Variants in CCDC102B observed in about 807,000 individuals in gnomAD.
CCDC102B encodes the protein coiled-coil domain containing 102B.
A neutral mutation model predicts 57.4 loss-of-function variants in CCDC102B; 75 were observed. The observed-to-expected ratio is 1.31, with a 90% confidence interval of 1.08 to 1.58. The LOEUF is 1.58. CCDC102B is among the 40% of genes most tolerant of loss of function. The pLI is 0.00. For missense variants in CCDC102B, 636 were observed against 582.6 expected, an observed-to-expected ratio of 1.09 and a Z score of -0.94; for synonymous variants, 206 against 201.9, an observed-to-expected ratio of 1.02 and a Z score of -0.17.
intron 2 of CCDC102B, among the ~76,000 whole-genome samples, chr18:68,757,576 C>A (rs770686966): frequency 3.3e-5 from 5 of 151,922 alleles, no homozygotes; most frequent in Non-Finnish European, 7.4e-5. Flanking sequence ...ATGAGTATAA[C>A]TGTTTATTGC....
At chr18:68,956,207 A>G (rs2049842224) in intron 6 of CCDC102B, among the ~76,000 whole-genome samples, 2 of 149,538 alleles carry the variant, frequency 1.3e-5, no homozygotes, top group Non-Finnish European at 3.0e-5. Context: ...GTTTATGTCC[A>G]TCTGTTTATG....
At chr18:68,950,878 G>C (rs576275472) in intron 6 of CCDC102B, among the ~76,000 whole-genome samples, 1 of 152,086 alleles carries the variant, frequency 6.6e-6, no homozygotes, top group Non-Finnish European at 1.5e-5. Flanking sequence ...AGAATTAAAC[G>C]TGACAATGAC....
rs1279319322 is a variant in CCDC102B at position 68,874,776 on chromosome 18, A to C, written c.1044A>C (p.Leu348Phe). The change falls in exon 5 of 8, where the codon TTA (leucine) becomes TTC (phenylalanine). Residue 348 changes from leucine (L) to phenylalanine (F), a missense_variant. Physicochemically the swap from Leu to Phe is conservative, Grantham distance 22. Transcript: ENST00000360242. ...QNSKDRVICELRAELERLQAE... is the reference protein window; with the variant it reads ...QNSKDRVICEFRAELERLQAE... ...GCAAAGACAGAGTGATTTGTGAGTT[A>C]AGAGCAGAGGTAAGACACTGGGTAA... 1 of 1,591,038 alleles carries C rather than the reference A, an allele frequency of 6.3e-7. No homozygotes were observed. Among genetic ancestry groups the C allele is most frequent in the Non-Finnish European group, 8.6e-7 (1 of 1,159,600 alleles).
At chr18:68,874,382 A>T (rs2039359983) in intron 4 of CCDC102B, among the ~76,000 whole-genome samples, 1 of 151,996 alleles carries the variant, frequency 6.6e-6, no homozygotes, top group African/African-American at 2.4e-5. Context: ...CCAGTTGGTC[A>T]ATTGTTTCGG....
In CCDC102B at chr18:68,853,672, T is replaced by TAAA. The variant is rs71175201; in HGVS notation, c.936+7279_936+7281dup. On this transcript the variant is annotated intron_variant, in intron 4 of 7. Transcript: ENST00000360242. ...CGAATTTTTCTTTATCCCCAAATTGTAAAAAAAAAAAAAAAAAAAAAAAAA... is the reference window on the plus strand; with the variant it reads ...CGAATTTTTCTTTATCCCCAAATTGTAAAAAAAAAAAAAAAAAAAAAAAAAAAA... Among the ~76,000 whole-genome samples the TAAA allele has an allele frequency of 6.6e-4, 62 of 94,638 alleles. 4 individuals carry two copies. Among genetic ancestry groups the TAAA allele is most frequent in the African/African-American group, 2.5e-3 (54 of 21,336 alleles). The allele number at this position is 94,638 out of a possible 152,430, so 62.1% of individuals were successfully genotyped here.
intron 2 of CCDC102B, among the ~76,000 whole-genome samples, chr18:68,728,633 C>A (rs570485188): frequency 6.6e-6 from 1 of 152,266 alleles, no homozygotes; most frequent in African/African-American, 2.4e-5. Flanking sequence ...TGATTTACAT[C>A]AATGTGCCCT....
chr18:68,734,714 C>T (rs1024950372), intron 2 of CCDC102B: 12 of 151,920 alleles, frequency 7.9e-5, no homozygotes, highest in African/African-American at 2.9e-4. Context: ...TATTACTGTT[C>T]TCTAAATCTT....
intron 7 of CCDC102B, among the ~76,000 whole-genome samples, chr18:69,026,698 G>A (rs1275418848): frequency 6.6e-6 from 1 of 152,112 alleles, no homozygotes. Flanking sequence ...GGCAGAGACT[G>A]AGAATCAGTT....
chr18:68,867,023 A>AT, intron 4 of CCDC102B: 1 of 279,086 alleles, frequency 3.6e-6, no homozygotes, highest in Non-Finnish European at 7.1e-6. Context: ...GCTGGCAGCC[A>AT]TGTGAAGAGC....
Position 69,054,818 on chromosome 18 carries a change from A to G in CCDC102B, c.*681A>G. ...TCTGGATAGACATTTCTACAGTAAA[A>G]TCATGGAAAGGCATCAGCATTGCAA... On this transcript the variant is annotated 3_prime_UTR_variant, in exon 8 of 8. Transcript: ENST00000360242. 1.0e-6 allele frequency: 1 copy of G among 985,356 alleles called. No individual in the cohort carries two copies. Among genetic ancestry groups the G allele is most frequent in the Non-Finnish European group, 1.2e-6 (1 of 829,922 alleles). The allele number at this position is 985,356 out of a possible 1,614,324, so 61.0% of individuals were successfully genotyped here. A position where few individuals can be genotyped will look rare whatever the true frequency, so the allele number is the denominator to read the frequency against.
At chr18:68,732,114 G>A (rs1456569114) in intron 2 of CCDC102B, among the ~76,000 whole-genome samples, 1 of 150,728 alleles carries the variant, frequency 6.6e-6, no homozygotes, top group Non-Finnish European at 1.5e-5. Flanking sequence ...TTCAGAAAAT[G>A]GAGAAGTTAA....
intron 1 of CCDC102B, among the ~76,000 whole-genome samples, chr18:68,809,844 T>C (rs1460528709): frequency 6.6e-6 from 1 of 152,226 alleles, no homozygotes; most frequent in Admixed American, 6.5e-5. Context: ...TATCATTATA[T>C]ACATGTGTGA....
chr18:68,756,982 C>A (rs1168154198), intron 2 of CCDC102B, among the ~76,000 whole-genome samples: 1 of 151,900 alleles, frequency 6.6e-6, no homozygotes, highest in African/African-American at 2.4e-5. Context: ...CTAGTGAGAA[C>A]TGGGTGGTGG....
At chr18:68,920,943 T>C (rs2041256411) in intron 6 of CCDC102B, among the ~76,000 whole-genome samples, 1 of 152,148 alleles carries the variant, frequency 6.6e-6, no homozygotes, top group Non-Finnish European at 1.5e-5. Flanking sequence ...GGTTTCCTTT[T>C]GCCAAGTTTC....
intron 6 of CCDC102B, among the ~76,000 whole-genome samples, chr18:68,971,715 T>C (rs2050305041): frequency 6.6e-6 from 1 of 152,152 alleles, no homozygotes; most frequent in African/African-American, 2.4e-5. Context: ...TTAAAATCCT[T>C]CCCCATTTGG....
chr18:68,917,126 A>G (rs774430541), intron 6 of CCDC102B, among the ~76,000 whole-genome samples: 41 of 152,290 alleles, frequency 2.7e-4, no homozygotes, highest in Middle Eastern at 3.4e-3. Flanking sequence ...TTGTTTGGTT[A>G]ACGTTTGTAT....
At chr18:68,954,318 G>A (rs2049784756) in intron 6 of CCDC102B, among the ~76,000 whole-genome samples, 1 of 152,148 alleles carries the variant, frequency 6.6e-6, no homozygotes, top group Admixed American at 6.6e-5. Flanking sequence ...TACTCGGGAG[G>A]CTTAGGCAGG....
chr18:68,946,134 TTCAC>T (rs1164428710), intron 6 of CCDC102B, among the ~76,000 whole-genome samples: 1 of 152,050 alleles, frequency 6.6e-6, no homozygotes, highest in African/African-American at 2.4e-5. Context: ...GAAACTGAAA[TTCAC>T]TCATAGTTCT....
chr18:68,853,508 T>C (rs1218519762), intron 4 of CCDC102B, among the ~76,000 whole-genome samples: 1 of 151,948 alleles, frequency 6.6e-6, no homozygotes, highest in Non-Finnish European at 1.5e-5. Flanking sequence ...GAAAAAGTAT[T>C]AGTTATTTTT....
Sources: gnomAD v4.1 joint callset for allele counts (sites outside exome capture counted in the v4.1 genomes callset) on GRCh38, gnomAD v4.1.1 for gene constraint, MANE v1.5 for transcripts, NCBI Gene and HGNC (gene_info 2026-07-23, HGNC 2026-07-21) for gene names.